TRIQK: variants seen among roughly 807,000 people sequenced by gnomAD.
TRIQK encodes triple QxxK/R motif containing.
In TRIQK, 10 loss-of-function variants were observed where a neutral mutation model predicts 10.8. The observed-to-expected ratio is 0.92, with a 90% CI of 0.57 to 1.57. TRIQK has a LOEUF of 1.57. Among genes scored for constraint, TRIQK ranks in the 40% most tolerant of loss-of-function variants. TRIQK has a pLI of 0.00. For missense variants in TRIQK, 107 were observed against 97.7 expected (o/e 1.09, Z -0.40); for synonymous variants, 33 against 33.7 (o/e 0.98, Z 0.07).
At chr8:92,930,415 A>G (rs13272239) in intron 2 of TRIQK, among the ~76,000 whole-genome samples, 11 of 142,020 alleles carry the variant, frequency 7.7e-5, no homozygotes, top group Admixed American at 2.2e-4. Flanking sequence ...AAAAAAAAAA[A>G]GATTACAATA....
At chr8:92,986,786 A>C (rs998344874) in intron 1 of TRIQK, among the ~76,000 whole-genome samples, 1 of 152,196 alleles carries the variant, frequency 6.6e-6, no homozygotes, top group African/African-American at 2.4e-5. Context: ...TTCATTCCCA[A>C]ATACAGAGAT....
At chr8:92,902,545 C>T (rs909013060) in intron 3 of TRIQK, among the ~76,000 whole-genome samples, 4 of 152,082 alleles carry the variant, frequency 2.6e-5, no homozygotes, top group Non-Finnish European at 4.4e-5. Flanking sequence ...AGCCAGGTAC[C>T]GGTTCACCTG....
At chr8:92,923,396 A>G (rs578183594) in intron 2 of TRIQK, among the ~76,000 whole-genome samples, 107 of 151,860 alleles carry the variant, frequency 7.0e-4, no homozygotes, top group African/African-American at 2.5e-3. Context: ...CAATACCAAG[A>G]TTGTTTTCAC....
At chr8:92,893,352 G>A (rs189551705) in intron 3 of TRIQK, among the ~76,000 whole-genome samples, 1 of 152,038 alleles carries the variant, frequency 6.6e-6, no homozygotes, top group East Asian at 1.9e-4. Context: ...TGGCTGGAAA[G>A]CAAGGTATTT....
In TRIQK at chr8:92,946,200, G is replaced by GA. The variant is rs749148009; in HGVS notation, c.-22+8205dup. On this transcript the variant is annotated intron_variant, in intron 2 of 4. Transcript: ENST00000521988. ...CAAACAGAAAATTCACATATAGATG[G>GA]AAAAAATCACAGTTTACATTGCATT... is the stretch of plus-strand genomic sequence containing the variant. 7.2e-5 allele frequency among the ~76,000 whole-genome samples: 11 copies of GA among 152,076 alleles called. No individual in the cohort carries two copies. The East Asian group carries it at 1.2e-3, about 16-fold the overall frequency.
At chr8:92,896,805 ATTTTCT>A (rs1285762605) in intron 3 of TRIQK, among the ~76,000 whole-genome samples, 1 of 145,226 alleles carries the variant, frequency 6.9e-6, no homozygotes, top group Non-Finnish European at 1.5e-5. Context: ...TCAACATTGC[ATTTTCT>A]TTTTCTTTCT....
chr8:92,922,796 T>C (rs1378456674), intron 2 of TRIQK, among the ~76,000 whole-genome samples: 4 of 151,814 alleles, frequency 2.6e-5, no homozygotes, highest in Non-Finnish European at 5.9e-5. Flanking sequence ...ATATAAAAGC[T>C]ATAAAAGAAT....
At chr8:92,938,950 A>T (rs1238851389) in intron 2 of TRIQK, among the ~76,000 whole-genome samples, 1 of 152,186 alleles carries the variant, frequency 6.6e-6, no homozygotes, top group Non-Finnish European at 1.5e-5. Context: ...AGTTCCACCA[A>T]ATCTATCATT....
intron 1 of TRIQK, among the ~76,000 whole-genome samples, chr8:92,984,407 C>T (rs774567619): frequency 3.3e-5 from 5 of 151,886 alleles, no homozygotes; most frequent in Non-Finnish European, 7.4e-5. Context: ...CAGATTATGT[C>T]AAGGGGGAAA....
intron 3 of TRIQK, among the ~76,000 whole-genome samples, chr8:92,893,181 T>TA (rs1458284870): frequency 3.3e-5 from 5 of 151,978 alleles, no homozygotes; most frequent in African/African-American, 1.2e-4. Context: ...AAGTATATCA[T>TA]AAAAATTTAA....
Position 92,945,281 on chromosome 8 carries a change from C to G in TRIQK, c.-22+9125G>C, listed in dbSNP as rs74461730. Among the ~76,000 whole-genome samples the G allele has an allele frequency of 2.9e-3, 442 of 152,264 alleles. 6 individuals are homozygous for G. In the East Asian group the frequency reaches 0.032, roughly 11 times the overall value. On this transcript the variant is annotated intron_variant, in intron 2 of 4. Coordinates refer to ENST00000521988, the MANE Select transcript of TRIQK (RefSeq NM_001171797.2). The stretch of plus-strand genomic sequence containing the variant: ...CTGTAGTGAAGATGAAGGCACAGCC[C>G]TATCACCACTTTCACAGCTACAGCA...
At chr8:92,989,641 C>T (rs1813075902) in intron 1 of TRIQK, among the ~76,000 whole-genome samples, 1 of 152,172 alleles carries the variant, frequency 6.6e-6, no homozygotes, top group Non-Finnish European at 1.5e-5. Flanking sequence ...ACTGATTCTA[C>T]ATTATGGTGA....
chr8:92,988,778 A>G (rs536339283), intron 1 of TRIQK, among the ~76,000 whole-genome samples: 2 of 152,312 alleles, frequency 1.3e-5, no homozygotes, highest in East Asian at 1.9e-4. Context: ...TTTGTTGAAC[A>G]TAAGTTTCTC....
chr8:92,899,846 T>G (rs1808825698), intron 3 of TRIQK, among the ~76,000 whole-genome samples: 1 of 152,180 alleles, frequency 6.6e-6, no homozygotes. Flanking sequence ...CAATAGTGGT[T>G]GTACTAATTT....
At chr8:93,006,360 C>T (rs1217394601) in intron 1 of TRIQK, among the ~76,000 whole-genome samples, 1 of 152,170 alleles carries the variant, frequency 6.6e-6, no homozygotes, top group East Asian at 1.9e-4. Context: ...GGAGCTCCCA[C>T]CCCAAAGCCA....
At chr8:92,940,425 A>G (rs1045969244) in intron 2 of TRIQK, among the ~76,000 whole-genome samples, 2 of 152,164 alleles carry the variant, frequency 1.3e-5, no homozygotes, top group African/African-American at 4.8e-5. Context: ...TAGTGAAGTA[A>G]CACAAAAAGA....
At chr8:92,995,603 A>G (rs935116463) in intron 1 of TRIQK, among the ~76,000 whole-genome samples, 15 of 151,694 alleles carry the variant, frequency 9.9e-5, no homozygotes, top group Admixed American at 5.9e-4. Context: ...CTTCTTTTCC[A>G]TTCACTGATT....
At chr8:92,904,487 A>G (rs1272746383) in intron 3 of TRIQK, among the ~76,000 whole-genome samples, 1 of 152,182 alleles carries the variant, frequency 6.6e-6, no homozygotes, top group Non-Finnish European at 1.5e-5. Flanking sequence ...CCAACTGAGT[A>G]CTACTGAAAA....
chr8:92,961,951 A>C (rs1049858500), intron 1 of TRIQK, among the ~76,000 whole-genome samples: 4 of 152,204 alleles, frequency 2.6e-5, no homozygotes, highest in African/African-American at 9.6e-5. Flanking sequence ...AGTCAAAAAA[A>C]CTGTTAAACC....
Sources: gnomAD v4.1 joint callset for allele counts (sites outside exome capture counted in the v4.1 genomes callset) on GRCh38, gnomAD v4.1.1 for gene constraint, MANE v1.5 for transcripts, NCBI Gene and HGNC (gene_info 2026-07-23, HGNC 2026-07-21) for gene names.